Variants in CADM2 observed in about 807,000 individuals in gnomAD.
The protein encoded by CADM2 is immunoglobulin superfamily member 4D.
Under a neutral mutation model 49.8 loss-of-function variants are expected in CADM2, and 12 were observed. That is an observed-to-expected ratio of 0.24 (90% confidence interval 0.15 to 0.39). The LOEUF is 0.39. Among genes scored for constraint, CADM2 ranks in the 10% least tolerant of loss-of-function variants. The pLI is 1.00. For missense variants in CADM2, 378 were observed against 492.3 expected (o/e 0.77, Z 2.20); for synonymous variants, 214 against 175.4 (o/e 1.22, Z -1.74).
At chr3:85,406,130 T>A (rs1216974199) in intron 1 of CADM2, among the ~76,000 whole-genome samples, 1 of 151,968 alleles carries the variant, frequency 6.6e-6, no homozygotes, top group Non-Finnish European at 1.5e-5. Context: ...AATAGACAAT[T>A]TCGTATTTCA....
At chr3:85,950,159 T>G (rs2108584106) in intron 7 of CADM2, among the ~76,000 whole-genome samples, 1 of 151,338 alleles carries the variant, frequency 6.6e-6, no homozygotes, top group Non-Finnish European at 1.5e-5. Context: ...TATAAAGATT[T>G]TATGCTTAAT....
chr3:85,295,498 T>C (rs550203576), intron 1 of CADM2, among the ~76,000 whole-genome samples: 25 of 152,254 alleles, frequency 1.6e-4, no homozygotes, highest in African/African-American at 6.0e-4. Flanking sequence ...ACATGTATGT[T>C]TATTGCGGCA....
intron 1 of CADM2, among the ~76,000 whole-genome samples, chr3:85,265,882 A>G (rs1340684331): frequency 6.6e-6 from 1 of 151,906 alleles, no homozygotes; most frequent in Admixed American, 6.6e-5. Flanking sequence ...TAATAAATAT[A>G]TGTTTTTCCA....
chr3:86,012,837 C>T (rs1363265965), intron 8 of CADM2: 16 of 526,672 alleles, frequency 3.0e-5, no homozygotes, highest in African/African-American at 2.3e-4. Flanking sequence ...TAGCCGGGAG[C>T]GGTGGCGGGC....
intron 2 of CADM2, among the ~76,000 whole-genome samples, chr3:85,759,921 G>A (rs1467925798): frequency 3.9e-5 from 6 of 151,960 alleles, no homozygotes; most frequent in African/African-American, 1.2e-4. Context: ...TATCTTCTAT[G>A]ACAATAAAAA....
intron 1 of CADM2, among the ~76,000 whole-genome samples, chr3:85,582,367 T>C (rs953977771): frequency 2.0e-5 from 3 of 152,224 alleles, no homozygotes; most frequent in Non-Finnish European, 4.4e-5. Context: ...AAAATTGTTC[T>C]AGCAGATGAT....
At chr3:85,905,657 AAG>A (rs1253817000) in intron 5 of CADM2, among the ~76,000 whole-genome samples, 2 of 152,118 alleles carry the variant, frequency 1.3e-5, no homozygotes. Flanking sequence ...TGAACAGAAA[AAG>A]AAAAATAATT....
At chr3:85,103,429 G>A (rs1476481893) in intron 1 of CADM2, among the ~76,000 whole-genome samples, 1 of 152,006 alleles carries the variant, frequency 6.6e-6, no homozygotes, top group Non-Finnish European at 1.5e-5. Context: ...ATAGTTTCCT[G>A]TGTAATTTAT....
intron 1 of CADM2, among the ~76,000 whole-genome samples, chr3:85,267,176 A>T (rs779636681): frequency 1.3e-5 from 2 of 151,854 alleles, no homozygotes; most frequent in African/African-American, 2.4e-5. Flanking sequence ...TCTACATAGT[A>T]GGATTTTTAA....
At chr3:85,882,963 G>A (rs1713032512) in intron 3 of CADM2, among the ~76,000 whole-genome samples, 1 of 152,038 alleles carries the variant, frequency 6.6e-6, no homozygotes, top group African/African-American at 2.4e-5. Flanking sequence ...GCTTTTCTTG[G>A]CACTGGTATT....
chr3:85,946,980 A>G (rs1722794694), intron 7 of CADM2, among the ~76,000 whole-genome samples: 1 of 152,144 alleles, frequency 6.6e-6, no homozygotes, highest in South Asian at 2.1e-4. Flanking sequence ...TCTGCACAGC[A>G]AAAGAAACTA....
intron 1 of CADM2, among the ~76,000 whole-genome samples, chr3:85,582,795 A>G (rs1045198123): frequency 6.6e-6 from 1 of 152,130 alleles, no homozygotes; most frequent in Non-Finnish European, 1.5e-5. Flanking sequence ...TCAGCTATTT[A>G]TCTTGGAAAG....
intron 1 of CADM2, among the ~76,000 whole-genome samples, chr3:85,641,380 CAT>C (rs1559960916): frequency 6.6e-6 from 1 of 152,170 alleles, no homozygotes; most frequent in African/African-American, 2.4e-5. Flanking sequence ...AAAAATCTCA[CAT>C]GTTGGCTTCC....
At chr3:85,688,759 G>C (rs1376007385) in intron 1 of CADM2, among the ~76,000 whole-genome samples, 2 of 151,808 alleles carry the variant, frequency 1.3e-5, no homozygotes, top group Non-Finnish European at 2.9e-5. Context: ...TTAGAGATGG[G>C]GTTTCACCAT....
At chr3:85,480,804 T>C (rs1012359610) in intron 1 of CADM2, among the ~76,000 whole-genome samples, 1 of 151,784 alleles carries the variant, frequency 6.6e-6, no homozygotes, top group African/African-American at 2.4e-5. Context: ...AGAATTGCAA[T>C]GTTTGAGGAC....
At chr3:86,018,818 T>G (rs529243444) in intron 8 of CADM2, among the ~76,000 whole-genome samples, 10 of 151,632 alleles carry the variant, frequency 6.6e-5, no homozygotes, top group African/African-American at 2.4e-4. Context: ...TTTCTCCCAT[T>G]TTGTAGGTTG....
intron 8 of CADM2, among the ~76,000 whole-genome samples, chr3:86,043,484 A>G (rs569539079): frequency 2.1e-3 from 319 of 152,326 alleles, no homozygotes; most frequent in African/African-American, 6.9e-3. Context: ...TGCTTCAAAG[A>G]GAATAAAATA....
At chr3:85,304,508 A>C (rs1043822110) in intron 1 of CADM2, among the ~76,000 whole-genome samples, 4 of 151,818 alleles carry the variant, frequency 2.6e-5, no homozygotes, top group Non-Finnish European at 4.4e-5. Context: ...TGACATTATC[A>C]AAAAAGGATG....
intron 1 of CADM2, among the ~76,000 whole-genome samples, chr3:85,014,259 G>A (rs188356118): frequency 0.056 from 8,389 of 149,640 alleles, 816 homozygotes; most frequent in African/African-American, 0.19. Context: ...TTATATATAC[G>A]CAGTGTAATA....
Sources: gnomAD v4.1 joint callset for allele counts (sites outside exome capture counted in the v4.1 genomes callset) on GRCh38, gnomAD v4.1.1 for gene constraint, MANE v1.5 for transcripts, NCBI Gene and HGNC (gene_info 2026-07-23, HGNC 2026-07-21) for gene names.